The following TOM1L2 variants were observed in gnomAD, a reference collection of about 807,000 sequenced individuals.
The protein encoded by TOM1L2 is TOM1-like protein 2.
Under a neutral mutation model 67.9 loss-of-function variants are expected in TOM1L2, and 31 were observed. The ratio of observed to expected loss-of-function variants is 0.46; its 90% CI spans 0.34 to 0.62. The LOEUF (loss-of-function observed/expected upper bound fraction) is 0.62. TOM1L2 is among the 20% of genes least tolerant of loss of function. The pLI, the probability that TOM1L2 is intolerant of heterozygous loss-of-function variation, is 0.01. For missense variants in TOM1L2, 606 were observed against 663.5 expected (o/e 0.91, Z 0.95); for synonymous variants, 256 against 254.0 (o/e 1.01, Z -0.07).
rs78164263 is a variant in TOM1L2, at chr17:17,853,377, G to A, written c.1279-2425C>T. ...GCAAAAGCTACAACAAAGACATTAA[G>A]GGGTCAGGGGCCTTAAACCTTCAGA... On this transcript the variant is annotated intron_variant, in intron 12 of 14. Transcript: ENST00000379504. Among the ~76,000 whole-genome samples the A allele has an allele frequency of 8.2e-3, 1,250 of 152,292 alleles. 10 individuals carry two copies. The highest frequency in any genetic ancestry group is 0.028 in the African/African-American group (1,176 of 41,552).
rs760746771 is a variant in TOM1L2, at chr17:17,862,837, C to T, written c.1096G>A (p.Glu366Lys). ...SQLAGLDLGT[E>K]SVSGTLSSLQ... ...GAACTGAGGGTGCCACTGACGCTCT[C>T]TGTCCCCAAGTCTGTGGCAACAAAA... The change falls in exon 11 of 15, where the codon GAG becomes AAG. Residue 366 changes from glutamate to lysine, a missense_variant. Around this residue, in one of 2 missense-constraint regions of TOM1L2, gnomAD observed 543 missense variants for 554.0 expected, o/e 0.98. Coordinates refer to ENST00000379504, the MANE Select transcript of TOM1L2 (RefSeq NM_001082968.2). 2 of 1,613,956 alleles carry T rather than the reference C, an allele frequency of 1.2e-6. No individual in the cohort carries two copies. Among genetic ancestry groups the T allele is most frequent in the African/African-American group, 2.7e-5 (2 of 74,896 alleles).
At chr17:17,903,995 T>C (rs2038976590) in intron 2 of TOM1L2, among the ~76,000 whole-genome samples, 1 of 151,862 alleles carries the variant, frequency 6.6e-6, no homozygotes, top group Non-Finnish European at 1.5e-5. Context: ...GAAGAGATTA[T>C]TATTATTATT....
At chr17:17,868,961 TC>T (rs2036999354) in intron 8 of TOM1L2, 1 of 163,780 alleles carries the variant, frequency 6.1e-6, no homozygotes, top group African/African-American at 2.4e-5. Context: ...AGATTTTTTT[TC>T]CCTTTAATCC....
intron 1 of TOM1L2, among the ~76,000 whole-genome samples, chr17:17,938,580 T>C (rs933184847): frequency 2.0e-5 from 3 of 152,140 alleles, no homozygotes; most frequent in Non-Finnish European, 2.9e-5. Flanking sequence ...AGACTCAAGA[T>C]AGGCATGAGG....
intron 2 of TOM1L2, among the ~76,000 whole-genome samples, chr17:17,901,086 T>C (rs543528310): frequency 9.8e-5 from 15 of 152,338 alleles, no homozygotes; most frequent in African/African-American, 3.4e-4. Flanking sequence ...AGCAGCTTCC[T>C]GGATGAGGTT....
chr17:17,917,317 G>C (rs1026644694), intron 1 of TOM1L2, among the ~76,000 whole-genome samples: 3 of 151,534 alleles, frequency 2.0e-5, no homozygotes, highest in South Asian at 2.1e-4. Flanking sequence ...CTGGGCGACA[G>C]AGCAAGACCC....
chr17:17,939,458 C>T lies in TOM1L2; in HGVS notation c.53-31927G>A, dbSNP rs187307377. 3.5e-4 allele frequency among the ~76,000 whole-genome samples: 53 copies of T among 152,288 alleles called. No individual in the cohort carries two copies. In the East Asian group the frequency reaches 9.3e-3, roughly 27 times the overall value. On this transcript the variant is annotated intron_variant, in intron 1 of 14. Coordinates refer to ENST00000379504, the MANE Select transcript of TOM1L2 (RefSeq NM_001082968.2). ...GATAGGAAATTACATTTTAAAAGTA[C>T]AATCACAGTATTGTGATTGTTTCTA... is the stretch of plus-strand genomic sequence containing the variant.
intron 1 of TOM1L2, among the ~76,000 whole-genome samples, chr17:17,911,909 G>T (rs1233840024): frequency 6.8e-6 from 1 of 148,144 alleles, no homozygotes; most frequent in Non-Finnish European, 1.5e-5. Context: ...ATCTTGCACC[G>T]CCCTTAATCC....
chr17:17,923,679 G>C (rs1454915943), intron 1 of TOM1L2, among the ~76,000 whole-genome samples: 1 of 151,802 alleles, frequency 6.6e-6, no homozygotes, highest in Non-Finnish European at 1.5e-5. Flanking sequence ...AAGAGGGTGA[G>C]ACCCCATCTC....
intron 4 of TOM1L2, among the ~76,000 whole-genome samples, chr17:17,887,283 G>A (rs937909964): frequency 6.6e-6 from 1 of 152,248 alleles, no homozygotes; most frequent in Non-Finnish European, 1.5e-5. Context: ...GCTGCTAACA[G>A]AGCAGATATT....
intron 12 of TOM1L2, among the ~76,000 whole-genome samples, chr17:17,855,731 A>C (rs114183672): frequency 1.3e-5 from 2 of 152,196 alleles, no homozygotes; most frequent in African/African-American, 2.4e-5. Context: ...CCAGTTTTCA[A>C]TGTAACAAGA....
chr17:17,897,938 T>C (rs1342592747), intron 3 of TOM1L2, among the ~76,000 whole-genome samples: 1 of 151,094 alleles, frequency 6.6e-6, no homozygotes, highest in Admixed American at 6.6e-5. Flanking sequence ...TTTTTTTTTT[T>C]TTTTTGAGAC....
At chr17:17,909,647 T>A (rs2039257025) in intron 1 of TOM1L2, among the ~76,000 whole-genome samples, 2 of 151,992 alleles carry the variant, frequency 1.3e-5, no homozygotes, top group Non-Finnish European at 2.9e-5. Flanking sequence ...GAATTTCAGT[T>A]TGGGGAAAAT....
In TOM1L2 at chr17:17,884,750, G is replaced by C; in HGVS notation, c.385C>G (p.Arg129Gly). 6.2e-7 allele frequency: 1 copy of C among 1,613,538 alleles called. No individual in the cohort carries two copies. The highest frequency in any genetic ancestry group is 8.5e-7 in the Non-Finnish European group (1 of 1,180,016). Residue 129 changes from arginine to glycine, a missense_variant, in exon 5 of 15, where the codon CGA becomes GGA. Arg to Gly is a moderately radical substitution (Grantham distance 125). Coordinates refer to ENST00000379504, the MANE Select transcript of TOM1L2 (RefSeq NM_001082968.2). Reference protein sequence around the residue: ...ALIQAWADAFRSSPDLTGVVH... With the variant: ...ALIQAWADAFGSSPDLTGVVH... The stretch of plus-strand genomic sequence containing the variant: ...ACGCCGGTGAGATCAGGACTGCTTC[G>C]AAAGGCATCAGCCCATGCCTGGGAT...
At chr17:17,887,257 C>A (rs2038045621) in intron 4 of TOM1L2, among the ~76,000 whole-genome samples, 1 of 152,218 alleles carries the variant, frequency 6.6e-6, no homozygotes, top group African/African-American at 2.4e-5. Context: ...GACCTCTGTG[C>A]AGACTGGATG....
chr17:17,919,115 C>T (rs1177576406), intron 1 of TOM1L2, among the ~76,000 whole-genome samples: 1 of 152,204 alleles, frequency 6.6e-6, no homozygotes, highest in Admixed American at 6.5e-5. Flanking sequence ...CTGCCAATTA[C>T]TGTGTGACTA....
At chr17:17,871,746 T>C (rs2037165939) in intron 7 of TOM1L2, among the ~76,000 whole-genome samples, 1 of 152,182 alleles carries the variant, frequency 6.6e-6, no homozygotes, top group Non-Finnish European at 1.5e-5. Flanking sequence ...ATCCACATAC[T>C]CTCAGTCTTC....
intron 1 of TOM1L2, among the ~76,000 whole-genome samples, chr17:17,931,862 T>C (rs1286409151): frequency 2.0e-5 from 3 of 152,182 alleles, no homozygotes; most frequent in African/African-American, 7.2e-5. Context: ...TGTCAGAAAA[T>C]AATTCTTATC....
intron 1 of TOM1L2, among the ~76,000 whole-genome samples, chr17:17,917,370 G>T (rs2039670605): frequency 6.9e-6 from 1 of 145,394 alleles, no homozygotes; most frequent in Non-Finnish European, 1.5e-5. Flanking sequence ...ATTAAAGGTT[G>T]TTTGGCTATT....
Sources: allele counts gnomAD v4.1 joint callset (sites outside exome capture counted in the v4.1 genomes callset), GRCh38; gene constraint gnomAD v4.1.1; regional missense constraint gnomAD v4.1.1; transcripts MANE v1.5; gene names NCBI Gene and HGNC (gene_info 2026-07-23, HGNC 2026-07-21).